The following PALLD variants were observed in gnomAD, a reference collection of about 807,000 sequenced individuals.
PALLD encodes the protein palladin.
A neutral mutation model predicts 123.5 loss-of-function variants in PALLD; 61 were observed. The ratio of observed to expected loss-of-function variants is 0.49; its 90% CI spans 0.40 to 0.61. PALLD has a LOEUF of 0.61. Ranked by LOEUF, PALLD falls within the 20% of genes least tolerant of loss-of-function variation. The pLI is 0.00. For missense variants in PALLD, 1,273 were observed against 1,377.0 expected (o/e 0.92, Z 1.20); for synonymous variants, 465 against 496.4 (o/e 0.94, Z 0.84).
At chr4:168,608,301 A>C (rs1773389258) in intron 2 of PALLD, among the ~76,000 whole-genome samples, 1 of 152,220 alleles carries the variant, frequency 6.6e-6, no homozygotes, top group South Asian at 2.1e-4. Flanking sequence ...TGCTCATAGC[A>C]AGCCCTGCCA....
intron 2 of PALLD, among the ~76,000 whole-genome samples, chr4:168,592,468 A>G (rs781556464): frequency 2.0e-5 from 3 of 152,204 alleles, no homozygotes; most frequent in Non-Finnish European, 2.9e-5. Context: ...AACCTAAAGT[A>G]CCTTGGAGTG....
intron 10 of PALLD, among the ~76,000 whole-genome samples, chr4:168,829,420 C>T (rs976222400): frequency 1.4e-4 from 22 of 152,168 alleles, no homozygotes; most frequent in Non-Finnish European, 1.5e-5. Flanking sequence ...CTTCCATGGC[C>T]GGTAAACACT....
chr4:168,628,687 C>A (rs1775533582), intron 2 of PALLD, among the ~76,000 whole-genome samples: 2 of 152,186 alleles, frequency 1.3e-5, no homozygotes, highest in African/African-American at 4.8e-5. Flanking sequence ...TCCCCACTGA[C>A]ATCCCCAACC....
chr4:168,828,154 AT>A (rs1162607330), intron 10 of PALLD, among the ~76,000 whole-genome samples: 1 of 152,242 alleles, frequency 6.6e-6, no homozygotes, highest in Non-Finnish European at 1.5e-5. Context: ...GAGGAAATAC[AT>A]AGCAAAAGCC....
In PALLD at chr4:168,638,480, A is replaced by AGT. The variant is rs1367573875; in HGVS notation, c.909-29709_909-29708dup. Among the ~76,000 whole-genome samples, 7 of 152,316 alleles carry AGT rather than the reference A, an allele frequency of 4.6e-5. 1 individual carries two copies. Among genetic ancestry groups the AGT allele is most frequent in the African/African-American group, 1.7e-4 (7 of 41,574 alleles). ...TGAGTCTAGATCAGGTCCTTTGCTT[A>AGT]GTCCCTTAGCTAAAGCTTCATCTTA... On this transcript the variant is annotated intron_variant, in intron 2 of 21. Transcript: ENST00000505667.
intron 2 of PALLD, among the ~76,000 whole-genome samples, chr4:168,560,597 A>G (rs770452544): frequency 6.6e-6 from 1 of 152,244 alleles, no homozygotes; most frequent in Non-Finnish European, 1.5e-5. Context: ...TAAGTGATTC[A>G]TAGCACTTTC....
intron 10 of PALLD, among the ~76,000 whole-genome samples, chr4:168,761,989 T>C (rs1190231426): frequency 6.6e-6 from 1 of 152,076 alleles, no homozygotes; most frequent in Non-Finnish European, 1.5e-5. Context: ...TTTTCATTTA[T>C]AAGGGAAGAA....
chr4:168,742,790 C>G (rs1421168749), intron 10 of PALLD, among the ~76,000 whole-genome samples: 4 of 152,148 alleles, frequency 2.6e-5, no homozygotes, highest in African/African-American at 9.7e-5. Context: ...ATCATAAGCT[C>G]TGATTGACAG....
intron 15 of PALLD, among the ~76,000 whole-genome samples, chr4:168,907,003 T>A (rs1480722733): frequency 6.6e-6 from 1 of 152,208 alleles, no homozygotes; most frequent in African/African-American, 2.4e-5. Context: ...GTTATGAGCA[T>A]GAACTTTGGC....
chr4:168,559,906 G>GAA (rs889476211), intron 2 of PALLD, among the ~76,000 whole-genome samples: 1 of 147,704 alleles, frequency 6.8e-6, no homozygotes, highest in African/African-American at 2.5e-5. Context: ...AAGAGAGAGA[G>GAA]AAAAAAAAAG....
intron 10 of PALLD, among the ~76,000 whole-genome samples, chr4:168,739,251 A>T (rs1453676024): frequency 6.6e-6 from 1 of 152,216 alleles, no homozygotes; most frequent in Non-Finnish European, 1.5e-5. Context: ...TCTCTTTGAT[A>T]TACTGATTCA....
At chr4:168,782,841 G>A (rs965896633) in intron 10 of PALLD, among the ~76,000 whole-genome samples, 1 of 152,034 alleles carries the variant, frequency 6.6e-6, no homozygotes, top group Non-Finnish European at 1.5e-5. Context: ...CTTGAACCTG[G>A]GAGGTGGAGG....
intron 8 of PALLD, among the ~76,000 whole-genome samples, chr4:168,701,880 C>T (rs1340420310): frequency 6.6e-6 from 1 of 152,228 alleles, no homozygotes; most frequent in East Asian, 1.9e-4. Flanking sequence ...ACAGCAGCAT[C>T]TGCGAAGGGA....
intron 15 of PALLD, among the ~76,000 whole-genome samples, chr4:168,909,575 T>G (rs1426910791): frequency 6.6e-6 from 1 of 152,166 alleles, no homozygotes; most frequent in African/African-American, 2.4e-5. Flanking sequence ...ATTATAAGGT[T>G]TCCTGGCTCA....
rs5863941 is a variant in PALLD, at chr4:168,548,345, G to GA, written c.908+35946dup. Among the ~76,000 whole-genome samples the GA allele has an allele frequency of 6.0e-3, 845 of 141,434 alleles. 4 individuals are homozygous for GA. Among genetic ancestry groups the GA allele is most frequent in the African/African-American group, 0.015 (576 of 38,712 alleles). The allele number at this position is 141,434 out of a possible 152,430, so 92.8% of individuals were successfully genotyped here. On this transcript the variant is annotated intron_variant, in intron 2 of 21. Transcript: ENST00000505667. The stretch of plus-strand genomic sequence containing the variant: ...AAGAGATCATTTCCTTCTAACTCAG[G>GA]AAAAAAAAAAAAACAGGGAAACACT...
chr4:168,668,205 G>C lies in PALLD; in HGVS notation c.924G>C (p.Gly308=). The C allele has an allele frequency of 6.2e-7, 1 of 1,614,034 alleles. No homozygotes were observed. Among genetic ancestry groups the C allele is most frequent in the East Asian group, 2.2e-5 (1 of 44,880 alleles). Reference sequence around the variant, plus strand: ...TGGCCTGCAGATGGTTCTGTGAAGGGAAAGAACTGCACAACACTCCTGATA... The same window carrying C: ...TGGCCTGCAGATGGTTCTGTGAAGGCAAAGAACTGCACAACACTCCTGATA... The part of the protein sequence containing the change: ...PTPRVRWFCE[G]KELHNTPDIQ... Residue 308 remains glycine, a synonymous_variant, in exon 3 of 22, where the codon GGG becomes GGC. Transcript: ENST00000505667.
chr4:168,524,963 G>A (rs1763907882), intron 2 of PALLD, among the ~76,000 whole-genome samples: 1 of 152,038 alleles, frequency 6.6e-6, no homozygotes, highest in Non-Finnish European at 1.5e-5. Flanking sequence ...ATTTTGCTGG[G>A]TTTCTCTTTC....
At chr4:168,854,690 C>T (rs1748320482) in intron 10 of PALLD, among the ~76,000 whole-genome samples, 1 of 152,152 alleles carries the variant, frequency 6.6e-6, no homozygotes, top group Non-Finnish European at 1.5e-5. Context: ...ATCACAGCTC[C>T]CTGTTCTCTA....
rs531615207 is a variant in PALLD at position 168,921,452 on chromosome 4, G to A, written c.2851-82G>A. On this transcript the variant is annotated intron_variant, in intron 17 of 21. Transcript: ENST00000505667. ...GCCACCTCTTGTACTACTGAAGGAG[G>A]AATTTATGCAGACTTCTTAGCTACC... 806 of 925,030 alleles carry A rather than the reference G, an allele frequency of 8.7e-4. 1 individual carries two copies. The highest frequency in any genetic ancestry group is 1.2e-3 in the Admixed American group (61 of 49,160). 57.3% of individuals were successfully genotyped at this position (925,030 alleles called of 1,614,324 possible).
Sources: gnomAD v4.1 joint callset for allele counts (sites outside exome capture counted in the v4.1 genomes callset) on GRCh38, gnomAD v4.1.1 for gene constraint, MANE v1.5 for transcripts, NCBI Gene and HGNC (gene_info 2026-07-23, HGNC 2026-07-21) for gene names.